SNTG1: variants seen among roughly 807,000 people sequenced by gnomAD.
SNTG1 encodes the protein gamma-1-syntrophin.
Under a neutral mutation model 74.7 loss-of-function variants are expected in SNTG1, and 39 were observed. The ratio of observed to expected loss-of-function variants is 0.52; its 90% confidence interval spans 0.40 to 0.68. The LOEUF (loss-of-function observed/expected upper bound fraction) is 0.68. Among genes scored for constraint, SNTG1 ranks in the 30% least tolerant of loss-of-function variants. The pLI is 0.00. For synonymous variants in SNTG1, 254 were observed against 217.1 expected (o/e 1.17, Z -1.49); for missense variants, 685 against 609.5 (o/e 1.12, Z -1.30).
At chr8:50,271,557 T>C (rs1365738510) in intron 2 of SNTG1, among the ~76,000 whole-genome samples, 1 of 152,202 alleles carries the variant, frequency 6.6e-6, no homozygotes, top group African/African-American at 2.4e-5. Flanking sequence ...TTCATATCTA[T>C]ATAGATTTCT....
intron 1 of SNTG1, among the ~76,000 whole-genome samples, chr8:50,034,364 G>A (rs1817976550): frequency 6.6e-6 from 1 of 152,180 alleles, no homozygotes; most frequent in African/African-American, 2.4e-5. Flanking sequence ...CTTGTTAACT[G>A]GTGTAGTTAG....
intron 13 of SNTG1, among the ~76,000 whole-genome samples, chr8:50,643,315 T>C (rs1428192808): frequency 2.6e-5 from 4 of 152,230 alleles, no homozygotes; most frequent in African/African-American, 4.8e-5. Context: ...CCCAAACTGC[T>C]TAATTTCAAT....
intron 2 of SNTG1, among the ~76,000 whole-genome samples, chr8:50,347,260 C>T (rs1030321862): frequency 2.0e-5 from 3 of 152,172 alleles, no homozygotes; most frequent in African/African-American, 7.2e-5. Flanking sequence ...TCTTAAGAAT[C>T]ATGCTAAGTC....
chr8:50,749,154 G>T (rs1239275684), intron 17 of SNTG1, among the ~76,000 whole-genome samples: 1 of 152,080 alleles, frequency 6.6e-6, no homozygotes, highest in African/African-American at 2.4e-5. Flanking sequence ...TACATGATAA[G>T]AAAGTGAAAC....
intron 17 of SNTG1, among the ~76,000 whole-genome samples, chr8:50,747,236 G>A (rs1265165615): frequency 6.6e-6 from 1 of 151,858 alleles, no homozygotes; most frequent in African/African-American, 2.4e-5. Flanking sequence ...CCTGAAAGGG[G>A]GTAGCAGAAA....
chr8:50,013,111 G>T (rs1563471121), intron 1 of SNTG1, among the ~76,000 whole-genome samples: 1 of 152,052 alleles, frequency 6.6e-6, no homozygotes, highest in Admixed American at 6.6e-5. Context: ...ACAGGCCCAG[G>T]CACTTTATTC....
intron 13 of SNTG1, among the ~76,000 whole-genome samples, chr8:50,619,471 C>T (rs2094906383): frequency 2.0e-5 from 3 of 152,156 alleles, no homozygotes; most frequent in Admixed American, 2.0e-4. Context: ...GTGGCTCACG[C>T]CTGTAATCCC....
chr8:50,637,027 A>G (rs1410266179), intron 13 of SNTG1, among the ~76,000 whole-genome samples: 2 of 152,206 alleles, frequency 1.3e-5, no homozygotes, highest in Non-Finnish European at 2.9e-5. Context: ...AAAAGACAAT[A>G]AATTAAAAGA....
intron 2 of SNTG1, among the ~76,000 whole-genome samples, chr8:50,232,592 G>A (rs1334087970): frequency 1.3e-5 from 2 of 151,384 alleles, no homozygotes; most frequent in Non-Finnish European, 3.0e-5. Flanking sequence ...TAAACAGTGC[G>A]AGATGACTTG....
chr8:50,346,528 C>G (rs11993064), intron 2 of SNTG1, among the ~76,000 whole-genome samples: 1 of 152,224 alleles, frequency 6.6e-6, no homozygotes, highest in East Asian at 1.9e-4. Context: ...CTAGTGTTCA[C>G]GTTAAAGGAA....
chr8:50,205,203 C>T (rs970324676), intron 2 of SNTG1, among the ~76,000 whole-genome samples: 1 of 152,184 alleles, frequency 6.6e-6, no homozygotes, highest in African/African-American at 2.4e-5. Flanking sequence ...AAAACTGTTC[C>T]TATTTCTCCA....
chr8:50,702,075 TC>T (rs33932226), intron 15 of SNTG1, among the ~76,000 whole-genome samples: 152,141 of 152,146 alleles, frequency 1, 76,068 homozygotes, highest in Non-Finnish European at 1. Context: ...GGTCTGGAAC[TC>T]CCCAACCTCA....
intron 1 of SNTG1, among the ~76,000 whole-genome samples, chr8:50,062,017 G>T (rs957734505): frequency 6.6e-6 from 1 of 151,998 alleles, no homozygotes; most frequent in South Asian, 2.1e-4. Flanking sequence ...AATTATATCA[G>T]ATATTGAAAG....
chr8:50,225,354 G>C (rs2085276735), intron 2 of SNTG1, among the ~76,000 whole-genome samples: 1 of 152,112 alleles, frequency 6.6e-6, no homozygotes. Flanking sequence ...TCTTAACCCA[G>C]ACACTTATTT....
intron 1 of SNTG1, among the ~76,000 whole-genome samples, chr8:49,978,199 C>A (rs1812361371): frequency 6.6e-6 from 1 of 151,666 alleles, no homozygotes; most frequent in Non-Finnish European, 1.5e-5. Context: ...AACTAATTCC[C>A]CAACTTAGAC....
intron 1 of SNTG1, among the ~76,000 whole-genome samples, chr8:50,150,615 T>G (rs996088256): frequency 6.6e-6 from 1 of 152,206 alleles, no homozygotes; most frequent in Non-Finnish European, 1.5e-5. Flanking sequence ...GGTTGTTGAA[T>G]TTTGTCAAAG....
At chr8:50,329,147 G>A (rs1325771287) in intron 2 of SNTG1, among the ~76,000 whole-genome samples, 1 of 152,186 alleles carries the variant, frequency 6.6e-6, no homozygotes, top group African/African-American at 2.4e-5. Context: ...CTGTGGCACT[G>A]CAGGGTTCAA....
chr8:50,444,383 C>T (rs2093386256), intron 5 of SNTG1, among the ~76,000 whole-genome samples: 1 of 152,064 alleles, frequency 6.6e-6, no homozygotes, highest in African/African-American at 2.4e-5. Flanking sequence ...ATTCTGCTTC[C>T]CCTGCCATTT....
chr8:50,432,995 G>C (rs551353599), intron 4 of SNTG1, among the ~76,000 whole-genome samples: 2 of 151,872 alleles, frequency 1.3e-5, no homozygotes, highest in East Asian at 1.9e-4. Flanking sequence ...TCACCATGTC[G>C]GCCAGGCTGG....
Sources: allele counts gnomAD v4.1 joint callset (sites outside exome capture counted in the v4.1 genomes callset), GRCh38; gene constraint gnomAD v4.1.1; transcripts MANE v1.5; gene names NCBI Gene and HGNC (gene_info 2026-07-23, HGNC 2026-07-21).